The following ESR1 variants were observed in gnomAD, a reference collection of about 807,000 sequenced individuals.
ESR1 encodes estrogen receptor 1.
Under a neutral mutation model 52.7 loss-of-function variants are expected in ESR1, and 12 were observed. The observed-to-expected ratio is 0.23, with a 90% CI of 0.15 to 0.37. The LOEUF (loss-of-function observed/expected upper bound fraction) is 0.37. Among genes scored for constraint, ESR1 ranks in the 10% least tolerant of loss-of-function variants. The probability of loss-of-function intolerance (pLI) is 1.00; values close to 1 mark genes in which losing one functional copy is unlikely to be tolerated. For missense variants in ESR1, 584 were observed against 779.7 expected (o/e 0.75, Z 2.99); for synonymous variants, 305 against 316.8 (o/e 0.96, Z 0.39).
chr6:152,088,091 A>G (rs1265250148), intron 6 of ESR1, among the ~76,000 whole-genome samples: 8 of 152,228 alleles, frequency 5.3e-5, no homozygotes, highest in Non-Finnish European at 1.5e-5. Flanking sequence ...CTGTACATAT[A>G]ATTAAAAATG....
intron 2 of ESR1, among the ~76,000 whole-genome samples, chr6:151,797,669 G>A (rs536821114): frequency 6.6e-6 from 1 of 152,260 alleles, no homozygotes; most frequent in East Asian, 1.9e-4. Flanking sequence ...GCTTACATAA[G>A]AACAATGATG....
intron 1 of ESR1, chr6:151,809,381 T>G (rs892970297): frequency 3.5e-6 from 1 of 283,970 alleles, no homozygotes; most frequent in Non-Finnish European, 7.5e-6. Flanking sequence ...TTGTTTTTTG[T>G]TTTCCTGATG....
In ESR1 at chr6:152,100,277, C is replaced by T. The variant is rs1472019396; in HGVS notation, c.*1311C>T. ...CTACAATTGGCCCAGCACCCTGGGG[C>T]ACGGGAGAAGGGTGGGGACCGTTGC... On this transcript the variant is annotated 3_prime_UTR_variant, in exon 8 of 8. Coordinates refer to ENST00000206249, the MANE Select transcript of ESR1 (RefSeq NM_000125.4). 5.1e-6 allele frequency: 2 copies of T among 393,524 alleles called. No homozygotes were observed. Among genetic ancestry groups the T allele is most frequent in the South Asian group, 1.4e-4 (1 of 6,976 alleles). 24.4% of individuals were successfully genotyped at this position (393,524 alleles called of 1,614,324 possible).
At chr6:152,115,891 C>A (rs1032077251) in intron 6 of ESR1, among the ~76,000 whole-genome samples, 3 of 152,160 alleles carry the variant, frequency 2.0e-5, no homozygotes, top group Non-Finnish European at 2.9e-5. Flanking sequence ...TCGTCTGCAC[C>A]TGGGAATCGC....
At chr6:151,862,648 A>G (rs1355303297) in intron 2 of ESR1, among the ~76,000 whole-genome samples, 1 of 152,230 alleles carries the variant, frequency 6.6e-6, no homozygotes, top group African/African-American at 2.4e-5. Flanking sequence ...CTATCAGACC[A>G]GAAACAGACT....
intron 6 of ESR1, among the ~76,000 whole-genome samples, chr6:152,093,695 G>A (rs1041272763): frequency 2.6e-5 from 4 of 152,040 alleles, no homozygotes; most frequent in Non-Finnish European, 2.9e-5. Flanking sequence ...AAAAAACAGC[G>A]GTTTTCAAGT....
chr6:152,092,101 T>C (rs902094852), intron 6 of ESR1, among the ~76,000 whole-genome samples: 7 of 152,218 alleles, frequency 4.6e-5, no homozygotes, highest in African/African-American at 1.4e-4. Context: ...CCCTCTGCTA[T>C]CTGCCACCTC....
At chr6:152,017,824 G>A (rs977576446) in intron 5 of ESR1, among the ~76,000 whole-genome samples, 1 of 152,026 alleles carries the variant, frequency 6.6e-6, no homozygotes, top group African/African-American at 2.4e-5. Context: ...AGATGATCCA[G>A]TTTCTAAGGA....
At chr6:152,028,866 C>G (rs1228559737) in intron 5 of ESR1, among the ~76,000 whole-genome samples, 1 of 152,202 alleles carries the variant, frequency 6.6e-6, no homozygotes, top group African/African-American at 2.4e-5. Flanking sequence ...TCCCTGACCC[C>G]CGAGTAGCCT....
intron 5 of ESR1, among the ~76,000 whole-genome samples, chr6:152,047,519 T>C (rs1225203503): frequency 6.6e-6 from 1 of 152,120 alleles, no homozygotes; most frequent in African/African-American, 2.4e-5. Context: ...GTATGTTGCA[T>C]TTTGTTTTGG....
rs991230361 is a variant in ESR1, at chr6:152,019,149, A to G, written c.1235+7355A>G. Reference sequence around the variant, plus strand: ...AGGAGAAGTGAGCCAAACTGCCATTATGATTGCCACTTCTTATTGAAGATA... The same window carrying G: ...AGGAGAAGTGAGCCAAACTGCCATTGTGATTGCCACTTCTTATTGAAGATA... On this transcript the variant is annotated intron_variant, in intron 5 of 7. Transcript: ENST00000206249. 5.9e-5 allele frequency among the ~76,000 whole-genome samples: 9 copies of G among 152,338 alleles called. No individual in the cohort carries two copies. In the South Asian group the frequency reaches 8.3e-4, roughly 14 times the overall value.
intron 6 of ESR1, among the ~76,000 whole-genome samples, chr6:152,068,580 A>G (rs894077793): frequency 1.3e-5 from 2 of 152,190 alleles, no homozygotes. Context: ...AGAACCATTG[A>G]CTTAATTGAT....
upstream of ESR1, among the ~76,000 whole-genome samples, chr6:151,686,064 ATTTTTTTTTTTT>A (rs557270210): frequency 8.7e-6 from 1 of 114,368 alleles, no homozygotes; most frequent in Admixed American, 9.0e-5. Flanking sequence ...AATTAAAACA[ATTTTTTTTTTTT>A]TTTTTTTTTT....
intron 2 of ESR1, among the ~76,000 whole-genome samples, chr6:151,772,361 A>C (rs1785593830): frequency 6.6e-6 from 1 of 152,186 alleles, no homozygotes; most frequent in Admixed American, 6.5e-5. Context: ...CAATGAAGAG[A>C]ACAGCATTGC....
intron 4 of ESR1, among the ~76,000 whole-genome samples, chr6:151,981,932 TCTG>T (rs368831960): frequency 2.4e-4 from 37 of 152,370 alleles, no homozygotes; most frequent in African/African-American, 8.2e-4. Context: ...GCTAAGGAGT[TCTG>T]CTGTGCGTCT....
intron 1 of ESR1, among the ~76,000 whole-genome samples, chr6:151,823,962 T>C (rs1781036018): frequency 6.6e-6 from 1 of 152,182 alleles, no homozygotes; most frequent in Non-Finnish European, 1.5e-5. Context: ...AGCAGCATGA[T>C]TTATAATCCT....
At chr6:152,052,409 C>T (rs948994726) in intron 5 of ESR1, among the ~76,000 whole-genome samples, 1 of 151,850 alleles carries the variant, frequency 6.6e-6, no homozygotes, top group African/African-American at 2.4e-5. Flanking sequence ...CAAGTATAGG[C>T]GACAGGACAA....
chr6:151,876,477 T>C (rs1791837844), intron 2 of ESR1, among the ~76,000 whole-genome samples: 1 of 152,246 alleles, frequency 6.6e-6, no homozygotes, highest in Admixed American at 6.5e-5. Flanking sequence ...CCTGTCTTTA[T>C]ATTCCTTTTG....
rs2152495620 is a variant in ESR1, at chr6:152,094,369, C to G, written c.1370-16C>G. 1.9e-6 allele frequency: 3 copies of G among 1,612,998 alleles called. No individual in the cohort carries two copies. The highest frequency in any genetic ancestry group is 2.5e-6 in the Non-Finnish European group (3 of 1,178,942). On this transcript the variant is annotated splice_polypyrimidine_tract_variant and intron_variant, in intron 6 of 7. Transcript: ENST00000206249. This position sits in a 1 kb window ranked among gnomAD's most constrained non-coding sequence, Gnocchi z 4.6. The stretch of plus-strand genomic sequence containing the variant: ...TCTTTGAGCTTCTCTCTCTCACTCT[C>G]TCTCTGCGCATTCAGGAGTGTACAC...
Sources: allele counts gnomAD v4.1 joint callset (sites outside exome capture counted in the v4.1 genomes callset), GRCh38; gene constraint gnomAD v4.1.1; non-coding constraint Gnocchi (gnomAD v3.1); transcripts MANE v1.5; gene names NCBI Gene and HGNC (gene_info 2026-07-23, HGNC 2026-07-21).